The following IL1RAPL1 variants were observed in gnomAD, a reference collection of about 807,000 sequenced individuals.
IL1RAPL1 encodes interleukin-1 receptor accessory protein-like 1.
IL1RAPL1 carries 3 observed loss-of-function variants against 48.4 expected under a neutral mutation model. That is an observed-to-expected ratio of 0.06 (90% CI 0.03 to 0.16). IL1RAPL1 has a LOEUF of 0.16. IL1RAPL1 is among the 10% of genes least tolerant of loss of function. The probability of loss-of-function intolerance (pLI) is 1.00; values close to 1 mark genes in which losing one functional copy is unlikely to be tolerated. For synonymous variants in IL1RAPL1, 185 were observed against 187.7 expected (o/e 0.99, Z 0.12); for missense variants, 349 against 530.6 (o/e 0.66, Z 3.36).
chrX:28,960,121 T>C (rs1485066983), intron 2 of IL1RAPL1, among the ~76,000 whole-genome samples: 1 of 111,930 alleles, frequency 8.9e-6, no homozygotes, highest in Non-Finnish European at 1.9e-5. Flanking sequence ...TTAGGTAGGA[T>C]GAGGCACGTG....
chrX:29,930,725 C>G (rs957720140), intron 8 of IL1RAPL1, among the ~76,000 whole-genome samples: 7 of 111,752 alleles, frequency 6.3e-5, no homozygotes, highest in Admixed American at 4.8e-4. Context: ...TTACTCTCTG[C>G]TATAAAATCA....
intron 3 of IL1RAPL1, among the ~76,000 whole-genome samples, chrX:29,385,311 G>A (rs759341234): frequency 1.5e-4 from 17 of 112,029 alleles, no homozygotes; most frequent in Admixed American, 6.6e-4. Flanking sequence ...AAAATTAGCC[G>A]GGCATGGTGG....
In IL1RAPL1 at chrX:29,522,765, G is replaced by A. The variant is rs1935515298; in HGVS notation, c.703+123457G>A. On this transcript the variant is annotated intron_variant, in intron 5 of 10. Coordinates refer to ENST00000378993, the MANE Select transcript of IL1RAPL1 (RefSeq NM_014271.4). ...TATATTTCTTATCGTCTATTTTCAT[G>A]AGAGTATGTACTTATTATACCAGAT... 2.7e-5 allele frequency among the ~76,000 whole-genome samples: 3 copies of A among 111,856 alleles called. No individual in the cohort carries two copies. In the South Asian group the frequency reaches 1.1e-3, roughly 41 times the overall value.
rs377274999 is a variant in IL1RAPL1 at position 29,237,997 on chromosome X, C to T, written c.83-44941C>T. Among the ~76,000 whole-genome samples, 3 of 112,211 alleles carry T rather than the reference C, an allele frequency of 2.7e-5. No homozygotes were observed. The East Asian group carries it at 8.4e-4, about 31-fold the overall frequency. On this transcript the variant is annotated intron_variant, in intron 2 of 10. Coordinates refer to ENST00000378993, the MANE Select transcript of IL1RAPL1 (RefSeq NM_014271.4). ...ATTTATGGGGAGACTGTGGAGGAAA[C>T]GAAATGAGAACAGCTGAATGAAGTC...
At chrX:29,504,091 G>A (rs1448879688) in intron 5 of IL1RAPL1, among the ~76,000 whole-genome samples, 2 of 109,420 alleles carry the variant, frequency 1.8e-5, no homozygotes, top group Non-Finnish European at 3.8e-5. Context: ...CTCCTGAGTT[G>A]CTGGGATTAC....
chrX:29,558,105 A>C (rs955238429), intron 5 of IL1RAPL1, among the ~76,000 whole-genome samples: 2 of 110,736 alleles, frequency 1.8e-5, no homozygotes, highest in African/African-American at 6.6e-5. Context: ...TTTTTGAGGA[A>C]CCTCCATTAT....
At chrX:29,416,664 A>G (rs750912602) in intron 5 of IL1RAPL1, among the ~76,000 whole-genome samples, 60 of 112,189 alleles carry the variant, frequency 5.3e-4, no homozygotes, top group Admixed American at 1.5e-3. Flanking sequence ...TCCAGCAGGT[A>G]ATGAGTTTCA....
intron 6 of IL1RAPL1, among the ~76,000 whole-genome samples, chrX:29,833,944 A>C (rs1312649217): frequency 1.8e-5 from 2 of 112,215 alleles, no homozygotes; most frequent in Non-Finnish European, 3.8e-5. Context: ...ACCTCACAAC[A>C]CATGGGCTGG....
chrX:28,677,523 C>G (rs1025696404), intron 1 of IL1RAPL1, among the ~76,000 whole-genome samples: 3 of 111,685 alleles, frequency 2.7e-5, no homozygotes, highest in Non-Finnish European at 5.6e-5. Flanking sequence ...ACCAACACAA[C>G]TCTGAGATGT....
At chrX:29,762,421 A>G (rs1202930617) in intron 6 of IL1RAPL1, among the ~76,000 whole-genome samples, 1 of 112,229 alleles carries the variant, frequency 8.9e-6, no homozygotes, top group Admixed American at 9.5e-5. Context: ...AGAATTCTTT[A>G]GAAGCCAAAC....
intron 2 of IL1RAPL1, among the ~76,000 whole-genome samples, chrX:29,074,115 G>A (rs1226196842): frequency 8.9e-6 from 1 of 112,067 alleles, no homozygotes; most frequent in Non-Finnish European, 1.9e-5. Context: ...AGAGTTAGGT[G>A]CTACCAACAG....
chrX:29,919,506 G>T (rs1181241454), intron 7 of IL1RAPL1, among the ~76,000 whole-genome samples: 1 of 112,343 alleles, frequency 8.9e-6, no homozygotes, highest in Admixed American at 9.4e-5. Flanking sequence ...ACAAAAGTCA[G>T]ACTGAACATT....
chrX:29,793,621 A>G (rs369492653), intron 6 of IL1RAPL1, among the ~76,000 whole-genome samples: 3 of 112,045 alleles, frequency 2.7e-5, no homozygotes, highest in East Asian at 5.6e-4. Flanking sequence ...TACACTTACT[A>G]CATTTATTAC....
intron 2 of IL1RAPL1, among the ~76,000 whole-genome samples, chrX:28,869,260 C>T (rs1442651928): frequency 8.9e-6 from 1 of 112,400 alleles, no homozygotes; most frequent in Non-Finnish European, 1.9e-5. Context: ...ATCGGCCTCA[C>T]TGCCATCATA....
chrX:29,829,155 TAC>T (rs57560936), intron 6 of IL1RAPL1, among the ~76,000 whole-genome samples: 7,347 of 61,618 alleles, frequency 0.12, 395 homozygotes, highest in South Asian at 0.2. Context: ...GACAAAAACC[TAC>T]ACACACACAC....
chrX:29,915,507 TAC>T (rs1932790819), intron 6 of IL1RAPL1, among the ~76,000 whole-genome samples: 1 of 111,838 alleles, frequency 8.9e-6, no homozygotes, highest in African/African-American at 3.2e-5. Flanking sequence ...AGAATTAAGT[TAC>T]AGATACTCAT....
intron 1 of IL1RAPL1, among the ~76,000 whole-genome samples, chrX:28,720,405 T>C (rs1935556841): frequency 1.8e-5 from 2 of 111,969 alleles, no homozygotes; most frequent in East Asian, 5.6e-4. Flanking sequence ...GTTGCAGCTA[T>C]ACATGTTAGC....
rs377598631 is a variant in IL1RAPL1, at chrX:28,720,263, T to G, written c.-24-69057T>G. 1.1e-4 allele frequency among the ~76,000 whole-genome samples: 12 copies of G among 111,351 alleles called. No individual in the cohort carries two copies. The East Asian group carries it at 1.1e-3, about 11-fold the overall frequency. ...CTACCCAGCTGCTGATGGCCATCTC[T>G]GAGATAACCAACTTGCTCACACATG... On this transcript the variant is annotated intron_variant, in intron 1 of 10. Transcript: ENST00000378993.
At chrX:29,295,600 C>T (rs1932438087) in intron 3 of IL1RAPL1, among the ~76,000 whole-genome samples, 2 of 111,690 alleles carry the variant, frequency 1.8e-5, no homozygotes, top group South Asian at 3.8e-4. Flanking sequence ...TTAGAAATAA[C>T]GGTGGCTTAA....
Sources: gnomAD v4.1 joint callset for allele counts (sites outside exome capture counted in the v4.1 genomes callset) on GRCh38, gnomAD v4.1.1 for gene constraint, MANE v1.5 for transcripts, NCBI Gene and HGNC (gene_info 2026-07-23, HGNC 2026-07-21) for gene names.